The following TAFA2 variants were observed in gnomAD, a reference collection of about 807,000 sequenced individuals.
The protein encoded by TAFA2 is TAFA chemokine like family member 2.
Under a neutral mutation model 18.8 loss-of-function variants are expected in TAFA2, and 7 were observed. The observed-to-expected ratio is 0.37, with a 90% CI of 0.21 to 0.70. The LOEUF (loss-of-function observed/expected upper bound fraction) is 0.70. TAFA2 is among the 30% of genes least tolerant of loss of function. The pLI is 0.53. For missense variants in TAFA2, 122 were observed against 158.1 expected (o/e 0.77, Z 1.23); for synonymous variants, 60 against 54.2 (o/e 1.11, Z -0.47).
chr12:61,990,174 G>A (rs1214304942), intron 1 of TAFA2, among the ~76,000 whole-genome samples: 1 of 151,990 alleles, frequency 6.6e-6, no homozygotes, highest in Non-Finnish European at 1.5e-5. Context: ...ATTCAAGACA[G>A]CTGCAGTATA....
intron 1 of TAFA2, among the ~76,000 whole-genome samples, chr12:62,066,263 A>G (rs1241738174): frequency 2.6e-5 from 4 of 151,944 alleles, no homozygotes; most frequent in African/African-American, 2.4e-5. Context: ...CACCTCAAGC[A>G]TTTATCCTTT....
chr12:62,179,864 C>T (rs1489767764), intron 1 of TAFA2, among the ~76,000 whole-genome samples: 1 of 152,208 alleles, frequency 6.6e-6, no homozygotes, highest in Non-Finnish European at 1.5e-5. Context: ...AACCCTGCCA[C>T]CTTCTCAATC....
chr12:62,090,603 C>G (rs751300565), intron 1 of TAFA2, among the ~76,000 whole-genome samples: 12 of 151,976 alleles, frequency 7.9e-5, no homozygotes, highest in Admixed American at 3.3e-4. Context: ...CACTACCAAT[C>G]TTAGCACCAG....
intron 1 of TAFA2, among the ~76,000 whole-genome samples, chr12:61,929,404 A>T (rs1203611444): frequency 2.0e-5 from 3 of 152,192 alleles, no homozygotes; most frequent in Admixed American, 6.5e-5. Flanking sequence ...ACATGAAAAA[A>T]TGCTCATCAT....
At chr12:62,179,479 A>G (rs567889252) in intron 1 of TAFA2, among the ~76,000 whole-genome samples, 8 of 152,336 alleles carry the variant, frequency 5.3e-5, no homozygotes, top group Admixed American at 4.6e-4. Context: ...AAGGGCTGAT[A>G]GCTATCTGTG....
At chr12:61,724,423 T>G (rs1362490887) in intron 4 of TAFA2, among the ~76,000 whole-genome samples, 1 of 151,612 alleles carries the variant, frequency 6.6e-6, no homozygotes, top group African/African-American at 2.4e-5. Flanking sequence ...GGGGAACAGG[T>G]GGTTTTTGGT....
chr12:62,021,636 G>T (rs907015742), intron 1 of TAFA2: 29 of 1,160,264 alleles, frequency 2.5e-5, no homozygotes, highest in Admixed American at 6.7e-5. Context: ...CTGAGATGGG[G>T]TGGTGTGCAG....
intron 1 of TAFA2, among the ~76,000 whole-genome samples, chr12:62,086,406 G>A (rs1868454909): frequency 6.6e-6 from 1 of 151,828 alleles, no homozygotes; most frequent in African/African-American, 2.4e-5. Flanking sequence ...ACCTGATAAG[G>A]GAATAATATC....
chr12:62,250,465 C>T lies in TAFA2; in HGVS notation c.-130+8298G>A, dbSNP rs377149203. On this transcript the variant is annotated intron_variant, in intron 1 of 5. Coordinates refer to the TAFA2 transcript ENST00000551619. ...GACTTGTTTTATTTTTATTGTTCTTCTCAAACTCATTATAATTTCTGTACA... is the reference window on the plus strand; with the variant it reads ...GACTTGTTTTATTTTTATTGTTCTTTTCAAACTCATTATAATTTCTGTACA... 7.9e-5 allele frequency among the ~76,000 whole-genome samples: 12 copies of T among 151,936 alleles called. 1 individual carries two copies. The highest frequency in any genetic ancestry group is 3.3e-4 in the Admixed American group (5 of 15,250).
At chr12:61,810,332 T>TA (rs1871814484) in intron 2 of TAFA2, among the ~76,000 whole-genome samples, 1 of 151,148 alleles carries the variant, frequency 6.6e-6, no homozygotes, top group Non-Finnish European at 1.5e-5. Flanking sequence ...TTTTTTTTTT[T>TA]AAGGAATATC....
At chr12:62,129,797 G>T (rs1663463) in intron 1 of TAFA2, among the ~76,000 whole-genome samples, 72,562 of 151,594 alleles carry the variant, frequency 0.48, 17,688 homozygotes, top group African/African-American at 0.52. Context: ...TTCATCCCCA[G>T]GACAGTCAAA....
intron 2 of TAFA2, among the ~76,000 whole-genome samples, chr12:61,858,308 C>A (rs546860133): frequency 3.6e-4 from 55 of 152,244 alleles, no homozygotes; most frequent in Non-Finnish European, 7.1e-4. Flanking sequence ...TTTTAAACTG[C>A]CCTACCACGA....
intron 1 of TAFA2, among the ~76,000 whole-genome samples, chr12:62,079,879 G>T (rs1223000181): frequency 1.3e-5 from 2 of 152,076 alleles, no homozygotes; most frequent in Non-Finnish European, 2.9e-5. Flanking sequence ...CTGCCACATC[G>T]CAAATTACGA....
intron 2 of TAFA2, among the ~76,000 whole-genome samples, chr12:61,767,716 T>C (rs1025953860): frequency 2.6e-5 from 4 of 152,076 alleles, no homozygotes; most frequent in Non-Finnish European, 5.9e-5. Flanking sequence ...AGGTTCTGAG[T>C]GTCACTCTAG....
intron 1 of TAFA2, among the ~76,000 whole-genome samples, chr12:61,909,309 T>G (rs920503627): frequency 1.3e-5 from 2 of 152,226 alleles, no homozygotes; most frequent in Admixed American, 6.5e-5. Context: ...ATAAATAAGG[T>G]ACAGACTCTT....
intron 1 of TAFA2, among the ~76,000 whole-genome samples, chr12:62,111,421 T>G (rs901240225): frequency 6.6e-5 from 10 of 152,210 alleles, no homozygotes; most frequent in Non-Finnish European, 1.3e-4. Context: ...GTGGTCAATT[T>G]TAGAACAAAT....
At chr12:61,845,819 A>C (rs10492353) in intron 2 of TAFA2, among the ~76,000 whole-genome samples, 22,659 of 152,098 alleles carry the variant, frequency 0.15, 2,024 homozygotes, top group African/African-American at 0.23. Flanking sequence ...AATGATCCAC[A>C]AAATAAGGTT....
chr12:61,775,691 G>A (rs755864421), intron 2 of TAFA2, among the ~76,000 whole-genome samples: 30 of 151,770 alleles, frequency 2.0e-4, no homozygotes, highest in Admixed American at 1.8e-3. Flanking sequence ...TAGTCTATAC[G>A]ACACTATAAT....
At chr12:61,792,754 A>G (rs1200484355) in intron 2 of TAFA2, among the ~76,000 whole-genome samples, 1 of 151,528 alleles carries the variant, frequency 6.6e-6, no homozygotes, top group Non-Finnish European at 1.5e-5. Context: ...CTTAAGCATT[A>G]TGCATAATAA....
Sources: allele counts gnomAD v4.1 joint callset (sites outside exome capture counted in the v4.1 genomes callset), GRCh38; gene constraint gnomAD v4.1.1; transcripts MANE v1.5; gene names NCBI Gene and HGNC (gene_info 2026-07-23, HGNC 2026-07-21).